TP53I11: variants seen among roughly 807,000 people sequenced by gnomAD.
TP53I11 encodes tumor protein p53-inducible protein 11.
A neutral mutation model predicts 23.3 loss-of-function variants in TP53I11; 9 were observed. The ratio of observed to expected loss-of-function variants is 0.39; its 90% CI spans 0.23 to 0.67. The LOEUF is 0.67. Among genes scored for constraint, TP53I11 ranks in the 30% least tolerant of loss-of-function variants. TP53I11 has a pLI of 0.48. For synonymous variants in TP53I11, 100 were observed against 106.1 expected (o/e 0.94, Z 0.35); for missense variants, 170 against 255.2 (o/e 0.67, Z 2.27).
intron 1 of TP53I11, chr11:44,940,731 C>G (rs1158437764): frequency 6.6e-6 from 1 of 152,120 alleles, no homozygotes; most frequent in Non-Finnish European, 1.5e-5. Flanking sequence ...TCTGTGGGAC[C>G]GTAAGTTTTC....
At chr11:44,941,899 T>A (rs1757973302) in intron 1 of TP53I11, among the ~76,000 whole-genome samples, 1 of 152,070 alleles carries the variant, frequency 6.6e-6, no homozygotes, top group African/African-American at 2.4e-5. Flanking sequence ...CTTCCAGGCA[T>A]TGGATGCATT....
chr11:44,949,817 G>A (rs1369665828), intron 1 of TP53I11, among the ~76,000 whole-genome samples: 1 of 152,214 alleles, frequency 6.6e-6, no homozygotes, highest in Non-Finnish European at 1.5e-5. Context: ...AGAGTGGGGG[G>A]CGTCTCCACC....
At chr11:44,948,817 G>C (rs1013371548) in intron 1 of TP53I11, among the ~76,000 whole-genome samples, 35 of 152,220 alleles carry the variant, frequency 2.3e-4, no homozygotes, top group African/African-American at 8.4e-4. Flanking sequence ...CCCCAAGAGG[G>C]GCAGGCCCTT....
At chr11:44,937,262 C>A (rs1449721953) in intron 4 of TP53I11, 42 bp downstream of exon 4, 1 of 1,536,074 alleles carries the variant, frequency 6.5e-7, no homozygotes, top group Non-Finnish European at 8.8e-7. Flanking sequence ...GCTGAGGGAG[C>A]CACACGGGGC....
chr11:44,944,118 A>G (rs532952816), intron 1 of TP53I11, among the ~76,000 whole-genome samples: 1 of 152,274 alleles, frequency 6.6e-6, no homozygotes, highest in Admixed American at 6.5e-5. Context: ...TGCCTTACTC[A>G]TGGGGTGCTG....
At chr11:44,935,907 G>A (rs894542127) in intron 5 of TP53I11, 21 of 575,474 alleles carry the variant, frequency 3.6e-5, no homozygotes, top group South Asian at 1.6e-4. Flanking sequence ...GACACTGGGC[G>A]AGTCACTTCC....
In TP53I11 at chr11:44,936,107, A is replaced by T; in HGVS notation, c.335-445T>A. On this transcript the variant is annotated intron_variant, in intron 5 of 6. Transcript: ENST00000525680. The surrounding 1 kb of genome is among the most constrained non-coding windows in gnomAD (Gnocchi z 4.4). ...CCTGAGCCCGGTAAGGACTCGCTTTAAGGAAGTCCCCTGGGGGAGGGGGAT... is the reference window on the plus strand; with the variant it reads ...CCTGAGCCCGGTAAGGACTCGCTTTTAGGAAGTCCCCTGGGGGAGGGGGAT... 1.6e-6 allele frequency: 1 copy of T among 616,218 alleles called. No homozygotes were observed. Among genetic ancestry groups the T allele is most frequent in the Non-Finnish European group, 2.1e-6 (1 of 483,980 alleles). The allele number at this position is 616,218 out of a possible 1,614,324, so 38.2% of individuals were successfully genotyped here.
At chr11:44,940,353 C>T (rs1291991287) in intron 1 of TP53I11, among the ~76,000 whole-genome samples, 3 of 152,214 alleles carry the variant, frequency 2.0e-5, no homozygotes, top group African/African-American at 7.2e-5. Context: ...CCACCAGCTC[C>T]AGATCAAGAC....
intron 5 of TP53I11, 52 bp from the exon 6 acceptor site, chr11:44,935,714 C>G: frequency 7.5e-7 from 1 of 1,339,548 alleles, no homozygotes; most frequent in Non-Finnish European, 1.0e-6. Flanking sequence ...GACTCCCTCC[C>G]AGCAGGGCAG....
intron 1 of TP53I11, chr11:44,946,891 G>A (rs1022951128): frequency 1.8e-5 from 7 of 392,306 alleles, no homozygotes; most frequent in East Asian, 7.3e-5. Context: ...CCCAAGACCC[G>A]CCACCCCTCA....
chr11:44,947,978 C>T (rs1433016471), intron 1 of TP53I11, among the ~76,000 whole-genome samples: 4 of 152,280 alleles, frequency 2.6e-5, no homozygotes, highest in East Asian at 3.9e-4. Flanking sequence ...AGAGCAGGTC[C>T]CCTTCTAGGG....
chr11:44,942,278 TCACA>T (rs893407051), intron 1 of TP53I11, among the ~76,000 whole-genome samples: 1 of 93,580 alleles, frequency 1.1e-5, no homozygotes, highest in East Asian at 3.3e-4. Flanking sequence ...ACCACACACA[TCACA>T]CACACCACAT....
At chr11:44,943,301 T>C (rs1862074952) in intron 1 of TP53I11, 1 of 152,192 alleles carries the variant, frequency 6.6e-6, no homozygotes, top group Admixed American at 6.5e-5. Flanking sequence ...ATCAGTGCTG[T>C]GAAGCTTCCT....
chr11:44,947,109 G>T (rs745387052), intron 1 of TP53I11: 1 of 456,290 alleles, frequency 2.2e-6, no homozygotes, highest in South Asian at 1.5e-5. Context: ...CTCCTCCCCC[G>T]GGGGTCTGAA....
At chr11:44,947,205 G>A (rs4755920) in intron 1 of TP53I11, 195,632 of 445,550 alleles carry the variant, frequency 0.44, 45,590 homozygotes, top group South Asian at 0.62. Flanking sequence ...CTGTCTCGAC[G>A]GTCATTCACA....
Position 44,937,593 on chromosome 11 carries a change from A to T in TP53I11, c.150T>A (p.Asn50Lys). Residue 50 changes from asparagine to lysine, a missense_variant, in exon 3 of 7, where the codon AAT (asparagine) becomes AAA (lysine). Transcript: ENST00000525680. ...GCTCCCGAATGGTAAACTTGATTTC[A>T]TTGCCTAAGACCTGGCTGATCTGTG... The part of the protein sequence containing the change: ...HRSKISQVLG[N>K]EIKFTIREPL... The T allele has an allele frequency of 6.2e-7, 1 of 1,613,690 alleles. No homozygotes were observed. The highest frequency in any genetic ancestry group is 1.7e-5 in the Admixed American group (1 of 59,992).
At position 44,934,797 on chromosome 11, in the gene TP53I11, C is replaced by T. The variant is rs1860891112; in HGVS notation, c.*87G>A. On this transcript the variant is annotated 3_prime_UTR_variant, in exon 7 of 7. Coordinates refer to ENST00000525680, the MANE Select transcript of TP53I11 (RefSeq NM_006034.5). The stretch of plus-strand genomic sequence containing the variant: ...CAGGACTGGGGCAGGGCAGGGGACC[C>T]TCCTGCCTTCCAGGAGCCAAAGGGA... 1 of 1,574,742 alleles carries T rather than the reference C, an allele frequency of 6.4e-7. No individual in the cohort carries two copies. Among genetic ancestry groups the T allele is most frequent in the South Asian group, 1.1e-5 (1 of 87,582 alleles).
At chr11:44,935,460 G>T in intron 6 of TP53I11, 101 bp downstream of exon 6, 1 of 1,084,362 alleles carries the variant, frequency 9.2e-7, no homozygotes, top group South Asian at 1.4e-5. Flanking sequence ...GCCCCCCACA[G>T]ACAGGTTTTC....
At position 44,936,712 on chromosome 11, in the gene TP53I11, G is replaced by A. The variant is rs1047887115; in HGVS notation, c.334+91C>T. On this transcript the variant is annotated intron_variant, in intron 5 of 6. Transcript: ENST00000525680. This position sits in a 1 kb window ranked among gnomAD's most constrained non-coding sequence, Gnocchi z 4.4. ...CATCTGGCCGAAGAAAGGAAGGGGT[G>A]CCCGGGCACGGACCCCCGTGCTCTC... 7.3e-5 allele frequency: 98 copies of A among 1,348,304 alleles called. No homozygotes were observed. Among genetic ancestry groups the A allele is most frequent in the Non-Finnish European group, 9.1e-5 (95 of 1,042,482 alleles). 83.5% of individuals were successfully genotyped at this position (1,348,304 alleles called of 1,614,324 possible).
Sources: allele counts gnomAD v4.1 joint callset (sites outside exome capture counted in the v4.1 genomes callset), GRCh38; gene constraint gnomAD v4.1.1; non-coding constraint Gnocchi (gnomAD v3.1); transcripts MANE v1.5; gene names NCBI Gene and HGNC (gene_info 2026-07-23, HGNC 2026-07-21).